Variants in SLC12A1 observed in about 807,000 individuals in gnomAD.
SLC12A1 encodes the protein solute carrier family 12 member 1, also known as Na-K-2Cl cotransporter.
In SLC12A1, 89 loss-of-function variants were observed where a neutral mutation model predicts 130.4. That is an observed-to-expected ratio of 0.68 (90% CI 0.58 to 0.81). The LOEUF (loss-of-function observed/expected upper bound fraction) is 0.81, where lower values mean the gene tolerates loss of function less well. SLC12A1 is among the 40% of genes least tolerant of loss of function. The pLI is 0.00. For missense variants in SLC12A1, 1,310 were observed against 1,336.4 expected (o/e 0.98, Z 0.31); for synonymous variants, 499 against 460.0 (o/e 1.08, Z -1.09).
intron 16 of SLC12A1, among the ~76,000 whole-genome samples, chr15:48,258,799 G>A (rs2041738248): frequency 6.6e-6 from 1 of 152,168 alleles, no homozygotes. Context: ...CCACATGGCT[G>A]AGGAGGCCTC....
intron 4 of SLC12A1, chr15:48,221,343 T>A (rs1238080170): frequency 1.4e-6 from 1 of 701,986 alleles, no homozygotes; most frequent in East Asian, 2.7e-5. Context: ...TTACAGAGTA[T>A]CCTTCTTGGC....
intron 5 of SLC12A1, chr15:48,227,976 C>T (rs763025441): frequency 3.9e-5 from 6 of 152,194 alleles, no homozygotes; most frequent in Non-Finnish European, 7.3e-5. Flanking sequence ...CAATATGCTA[C>T]ATTTTTAGAC....
chr15:48,274,077 C>T (rs190115116), intron 19 of SLC12A1, among the ~76,000 whole-genome samples: 226 of 152,168 alleles, frequency 1.5e-3, no homozygotes, highest in African/African-American at 4.9e-3. Context: ...TCCAAATGAC[C>T]GGTTTAGAGT....
At chr15:48,259,374 G>A (rs985097011) in intron 17 of SLC12A1, 63 bp downstream of exon 17, 65 of 1,150,154 alleles carry the variant, frequency 5.7e-5, no homozygotes, top group Non-Finnish European at 7.7e-5. Flanking sequence ...ATTATTTTGG[G>A]TGAGGAGAAA....
chr15:48,232,602 G>T, intron 7 of SLC12A1, 125 bp from the exon 8 acceptor site: 1 of 712,838 alleles, frequency 1.4e-6, no homozygotes. Flanking sequence ...ACCTACTCTG[G>T]GTAGCAGAGA....
At chr15:48,239,281 G>A (rs2041473912) in intron 9 of SLC12A1, among the ~76,000 whole-genome samples, 1 of 152,058 alleles carries the variant, frequency 6.6e-6, no homozygotes, top group Non-Finnish European at 1.5e-5. Flanking sequence ...GGAGGCCCAG[G>A]TGGGTGATTG....
At chr15:48,229,437 A>AC in intron 6 of SLC12A1, 109 bp downstream of exon 6, 1 of 1,077,830 alleles carries the variant, frequency 9.3e-7, no homozygotes. Context: ...AAAAAAGTTA[A>AC]ATATAGTGGA....
intron 20 of SLC12A1, among the ~76,000 whole-genome samples, chr15:48,282,822 G>A (rs530392202): frequency 1.3e-4 from 19 of 151,760 alleles, no homozygotes; most frequent in Admixed American, 1.0e-3. Flanking sequence ...GCATAGGAAG[G>A]TAATAAAACA....
chr15:48,251,366 G>A (rs920392854), intron 14 of SLC12A1, among the ~76,000 whole-genome samples: 7 of 151,700 alleles, frequency 4.6e-5, no homozygotes, highest in African/African-American at 1.7e-4. Context: ...GGAGTATGGA[G>A]GGTCCTGAAT....
intron 11 of SLC12A1, among the ~76,000 whole-genome samples, chr15:48,245,778 T>C (rs1042340339): frequency 1.3e-5 from 2 of 152,242 alleles, no homozygotes; most frequent in Admixed American, 6.5e-5. Flanking sequence ...CTTTTGGATA[T>C]ATACCCAGTA....
intron 2 of SLC12A1, among the ~76,000 whole-genome samples, chr15:48,212,360 T>C (rs1385769480): frequency 6.6e-6 from 1 of 152,206 alleles, no homozygotes; most frequent in South Asian, 2.1e-4. Context: ...ATATCTGGAT[T>C]CCTATCAATC....
At chr15:48,254,441 C>G (rs1238746463) in intron 15 of SLC12A1, among the ~76,000 whole-genome samples, 1 of 151,902 alleles carries the variant, frequency 6.6e-6, no homozygotes, top group Non-Finnish European at 1.5e-5. Context: ...TCTTCTTTAT[C>G]TCCAGATAAT....
intron 2 of SLC12A1, among the ~76,000 whole-genome samples, chr15:48,211,950 C>T (rs957438597): frequency 6.6e-6 from 1 of 152,010 alleles, no homozygotes; most frequent in Non-Finnish European, 1.5e-5. Context: ...TACTGGTGAC[C>T]GTTAATTATA....
chr15:48,227,359 G>C, intron 5 of SLC12A1: 1 of 603,378 alleles, frequency 1.7e-6, no homozygotes, highest in Non-Finnish European at 3.0e-6. Context: ...TCATTGACAT[G>C]ACCCATTTCT....
chr15:48,281,760 A>G (rs1330781422), intron 20 of SLC12A1, among the ~76,000 whole-genome samples: 1 of 152,236 alleles, frequency 6.6e-6, no homozygotes, highest in Non-Finnish European at 1.5e-5. Flanking sequence ...TTAAAAATGT[A>G]GTCGTGATGG....
intron 15 of SLC12A1, among the ~76,000 whole-genome samples, chr15:48,255,569 G>A (rs1388505304): frequency 2.6e-5 from 4 of 152,218 alleles, no homozygotes; most frequent in Non-Finnish European, 5.9e-5. Context: ...TTCTAGGACT[G>A]CAGTTGTACA....
chr15:48,289,285 C>A (rs2042092684), intron 23 of SLC12A1, among the ~76,000 whole-genome samples: 1 of 150,802 alleles, frequency 6.6e-6, no homozygotes, highest in African/African-American at 2.4e-5. Context: ...AAGCTCTGAG[C>A]CCTTCCTGGA....
At chr15:48,271,048 AC>A (rs1446436013) in intron 19 of SLC12A1, among the ~76,000 whole-genome samples, 3 of 151,060 alleles carry the variant, frequency 2.0e-5, no homozygotes, top group Non-Finnish European at 4.4e-5. Flanking sequence ...ACATGGTGAA[AC>A]CCCGTCTCTA....
intron 18 of SLC12A1, 102 bp downstream of exon 18, chr15:48,267,803 T>C: frequency 8.0e-7 from 1 of 1,254,830 alleles, no homozygotes; most frequent in Non-Finnish European, 1.1e-6. Context: ...CAGCCAAGCA[T>C]CAGAGATCAG....
Sources: allele counts gnomAD v4.1 joint callset (sites outside exome capture counted in the v4.1 genomes callset), GRCh38; gene constraint gnomAD v4.1.1; transcripts MANE v1.5; gene names NCBI Gene and HGNC (gene_info 2026-07-23, HGNC 2026-07-21).